CLCN3: variants seen among roughly 807,000 people sequenced by gnomAD.
The protein encoded by CLCN3 is H(+)/Cl(-) exchange transporter 3.
In CLCN3, 16 loss-of-function variants were observed where a neutral mutation model predicts 83.4. That is an observed-to-expected ratio of 0.19 (90% CI 0.13 to 0.29). The LOEUF (loss-of-function observed/expected upper bound fraction) is 0.29. Ranked by LOEUF, CLCN3 falls within the 10% of genes least tolerant of loss-of-function variation. CLCN3 has a pLI of 1.00. For synonymous variants in CLCN3, 322 were observed against 346.2 expected (o/e 0.93, Z 0.78); for missense variants, 544 against 1,006.0 (o/e 0.54, Z 6.21).
chr4:169,631,704 G>A (rs1250523080), intron 1 of CLCN3, among the ~76,000 whole-genome samples: 1 of 152,106 alleles, frequency 6.6e-6, no homozygotes, highest in Non-Finnish European at 1.5e-5. Flanking sequence ...AAAGAGACAA[G>A]ATCCAAATCA....
chr4:169,644,718 G>A (rs1468985319), intron 2 of CLCN3, among the ~76,000 whole-genome samples: 7 of 152,142 alleles, frequency 4.6e-5, no homozygotes, highest in Non-Finnish European at 1.0e-4. Flanking sequence ...CCCAAAACCT[G>A]TAAATATGTT....
rs10034987 is a variant in CLCN3 at position 169,663,622 on chromosome 4, G to A, written c.161-16428G>A. ...CCCAAGTAGCTGAGATTACAGGTGC[G>A]AGCCACTGTGCCTGGCTTGTTCTAA... On this transcript the variant is annotated intron_variant, in intron 2 of 12. Transcript: ENST00000513761. 1.3e-3 allele frequency: 547 copies of A among 430,038 alleles called. 5 individuals carry two copies. The highest frequency in any genetic ancestry group is 0.01 in the African/African-American group (483 of 47,642). The allele number at this position is 430,038 out of a possible 1,614,324, so 26.6% of individuals were successfully genotyped here.
intron 1 of CLCN3, among the ~76,000 whole-genome samples, chr4:169,630,802 T>TA (rs1381006102): frequency 6.6e-6 from 1 of 152,222 alleles, no homozygotes; most frequent in Non-Finnish European, 1.5e-5. Context: ...GTGCTGGGAT[T>TA]ACAGGCGTGA....
chr4:169,660,512 C>G (rs1477840857), intron 2 of CLCN3: 37 of 1,120,230 alleles, frequency 3.3e-5, no homozygotes, highest in Non-Finnish European at 4.1e-5. Context: ...GGGCGGTCCT[C>G]TAGCTTAAAC....
intron 7 of CLCN3, among the ~76,000 whole-genome samples, chr4:169,694,069 A>G (rs1477505568): frequency 2.0e-5 from 3 of 152,216 alleles, no homozygotes; most frequent in African/African-American, 4.8e-5. Context: ...AGGACATTCA[A>G]ATAAATATGT....
chr4:169,683,959 T>G (rs144334510), intron 3 of CLCN3, among the ~76,000 whole-genome samples: 1,659 of 152,276 alleles, frequency 0.011, 34 homozygotes, highest in African/African-American at 0.038. Context: ...GCCAGGCTGG[T>G]CTCAAACTCC....
chr4:169,709,042 T>C (rs1733098046), intron 11 of CLCN3, among the ~76,000 whole-genome samples: 1 of 148,306 alleles, frequency 6.7e-6, no homozygotes, highest in African/African-American at 2.4e-5. Context: ...TATCTATATA[T>C]GAAAATTATG....
At chr4:169,634,188 G>A (rs1262174558) in intron 1 of CLCN3, among the ~76,000 whole-genome samples, 1 of 152,086 alleles carries the variant, frequency 6.6e-6, no homozygotes, top group Non-Finnish European at 1.5e-5. Flanking sequence ...GAGATATATT[G>A]GAATTTGCTG....
chr4:169,629,186 GACTGTA>G (rs1773306210), intron 1 of CLCN3, among the ~76,000 whole-genome samples: 1 of 47,358 alleles, frequency 2.1e-5, no homozygotes, highest in Non-Finnish European at 6.3e-5. Context: ...TCTGTATCTT[GACTGTA>G]TCAATGTCCT....
Position 169,620,954 on chromosome 4 carries a change from T to G in CLCN3, c.-126T>G. 1 of 398,544 alleles carries G rather than the reference T, an allele frequency of 2.5e-6. No individual in the cohort carries two copies. Among genetic ancestry groups the G allele is most frequent in the Non-Finnish European group, 4.4e-6 (1 of 226,054 alleles). 24.7% of individuals were successfully genotyped at this position (398,544 alleles called of 1,614,324 possible). A position where few individuals can be genotyped will look rare whatever the true frequency, so the allele number is the denominator to read the frequency against. ...GCGATAGTTTTCGCTGTGTCAGGCT[T>G]TCTTCGGTGGAGCTCCGAGGGTAGC... On this transcript the variant is annotated 5_prime_UTR_variant, in exon 1 of 13. Transcript: ENST00000513761.
At chr4:169,644,538 G>A (rs1457805352) in intron 2 of CLCN3, among the ~76,000 whole-genome samples, 1 of 152,080 alleles carries the variant, frequency 6.6e-6, no homozygotes, top group Non-Finnish European at 1.5e-5. Context: ...CACCGTGCCT[G>A]GCCAATACAA....
chr4:169,712,775 C>T (rs577217206), intron 11 of CLCN3, among the ~76,000 whole-genome samples: 100 of 152,228 alleles, frequency 6.6e-4, no homozygotes, highest in Non-Finnish European at 1.2e-3. Context: ...TCCAAACCCA[C>T]TTCCTTAGCC....
chr4:169,694,426 A>G (rs1361041655), intron 7 of CLCN3, among the ~76,000 whole-genome samples: 2 of 152,198 alleles, frequency 1.3e-5, no homozygotes, highest in African/African-American at 4.8e-5. Context: ...CATGATCTTA[A>G]CCATTTACAG....
chr4:169,713,215 G>T lies in CLCN3; in HGVS notation c.2286G>T (p.Val762=). 9 of 1,614,102 alleles carry T rather than the reference G, an allele frequency of 5.6e-6. No homozygotes were observed. Among genetic ancestry groups the T allele is most frequent in the Non-Finnish European group, 7.6e-6 (9 of 1,180,002 alleles). The part of the protein sequence containing the change: ...RSILDMSPFT[V]TDHTPMEIVV... ...TTCTTGACATGAGCCCTTTTACAGT[G>T]ACAGACCACACCCCAATGGAGATCG... The change falls in exon 12 of 13, where the codon GTG becomes GTT. Residue 762 remains valine (V), a synonymous_variant. Coordinates refer to ENST00000513761, the MANE Select transcript of CLCN3 (RefSeq NM_001829.4).
intron 2 of CLCN3, among the ~76,000 whole-genome samples, chr4:169,676,150 G>A (rs1168355665): frequency 1.3e-5 from 2 of 151,854 alleles, no homozygotes; most frequent in African/African-American, 4.8e-5. Flanking sequence ...AAAAATGCTG[G>A]TCTACACCTG....
rs773044509 is a variant in CLCN3 at position 169,687,666 on chromosome 4, C to T, written c.327C>T (p.Ser109=). Residue 109 remains serine (S), a synonymous_variant, in exon 4 of 13, where the codon AGC becomes AGT. Transcript: ENST00000513761. ...AACATTTCTAATTTCAGATCAACAG[C>T]AAAAAGAAAGAATCAGCATGGGAAA... ...KDRERHRRIN[S]KKKESAWEMT... 8 of 1,605,240 alleles carry T rather than the reference C, an allele frequency of 5.0e-6. No homozygotes were observed. Among genetic ancestry groups the T allele is most frequent in the Non-Finnish European group, 8.5e-7 (1 of 1,174,840 alleles).
At chr4:169,699,366 T>G (rs1331633398) in intron 9 of CLCN3, among the ~76,000 whole-genome samples, 2 of 152,192 alleles carry the variant, frequency 1.3e-5, no homozygotes, top group African/African-American at 4.8e-5. Flanking sequence ...TGACTATCAG[T>G]GATATATATG....
chr4:169,630,780 T>C (rs1232246741), intron 1 of CLCN3, among the ~76,000 whole-genome samples: 1 of 152,116 alleles, frequency 6.6e-6, no homozygotes, highest in African/African-American at 2.4e-5. Flanking sequence ...CCGCCAGCCT[T>C]GGCCTCCCAA....
chr4:169,647,686 G>A (rs772217455), intron 2 of CLCN3, among the ~76,000 whole-genome samples: 9 of 152,118 alleles, frequency 5.9e-5, no homozygotes, highest in South Asian at 2.1e-4. Context: ...ATGATATAAA[G>A]GATATAAGTT....
Sources: gnomAD v4.1 joint callset for allele counts (sites outside exome capture counted in the v4.1 genomes callset) on GRCh38, gnomAD v4.1.1 for gene constraint, MANE v1.5 for transcripts, NCBI Gene and HGNC (gene_info 2026-07-23, HGNC 2026-07-21) for gene names.